Variants in SLC2A9 observed in about 807,000 individuals in gnomAD.
SLC2A9 encodes solute carrier family 2 member 9, also known as solute carrier family 2, facilitated glucose transporter member 9.
A neutral mutation model predicts 50.6 loss-of-function variants in SLC2A9; 39 were observed. That is an observed-to-expected ratio of 0.77 (90% CI 0.60 to 1.01). SLC2A9 has a LOEUF of 1.01. SLC2A9 is among the 50% of genes least tolerant of loss of function. SLC2A9 has a pLI of 0.00. For synonymous variants in SLC2A9, 324 were observed against 276.9 expected, an observed-to-expected ratio of 1.17 and a Z score of -1.69; for missense variants, 686 against 677.6, an observed-to-expected ratio of 1.01 and a Z score of -0.14.
intron 6 of SLC2A9, among the ~76,000 whole-genome samples, chr4:9,939,979 G>A (rs951069758): frequency 5.3e-5 from 8 of 152,140 alleles, no homozygotes; most frequent in African/African-American, 1.2e-4. Flanking sequence ...TATTTATCAC[G>A]TTTTGTAACT....
chr4:9,948,369 G>T (rs564310354), intron 5 of SLC2A9, among the ~76,000 whole-genome samples: 33 of 152,200 alleles, frequency 2.2e-4, no homozygotes, highest in Non-Finnish European at 3.2e-4. Flanking sequence ...TGCTGGGGTT[G>T]TTCAAGCTCT....
intron 5 of SLC2A9, among the ~76,000 whole-genome samples, chr4:9,960,773 A>T (rs1027445634): frequency 6.6e-6 from 1 of 152,126 alleles, no homozygotes; most frequent in East Asian, 1.9e-4. Context: ...AGGCCCAGGG[A>T]GTGGCATGAG....
At chr4:9,998,859 C>T (rs1759252199) in intron 2 of SLC2A9, among the ~76,000 whole-genome samples, 2 of 152,108 alleles carry the variant, frequency 1.3e-5, no homozygotes, top group South Asian at 4.1e-4. Flanking sequence ...CATGGGAAAA[C>T]CTGGCAAAAA....
intron 1 of SLC2A9, among the ~76,000 whole-genome samples, chr4:10,037,246 C>A (rs1410928922): frequency 1.6e-4 from 24 of 152,156 alleles, no homozygotes; most frequent in Non-Finnish European, 1.5e-5. Flanking sequence ...GACCTCAGCC[C>A]CTGGCCACCA....
intron 3 of SLC2A9, chr4:9,782,577 A>G: frequency 6.2e-7 from 1 of 1,613,936 alleles, no homozygotes; most frequent in Non-Finnish European, 8.5e-7. Context: ...TGGCACAGGG[A>G]CCAGGCGGCC....
chr4:9,967,695 G>A (rs1753247911), intron 5 of SLC2A9, among the ~76,000 whole-genome samples: 1 of 151,516 alleles, frequency 6.6e-6, no homozygotes, highest in South Asian at 2.1e-4. Context: ...GAAAGTTATG[G>A]GAATAAAGAT....
At chr4:9,859,525 T>C (rs1035514720) in intron 10 of SLC2A9, among the ~76,000 whole-genome samples, 1 of 152,230 alleles carries the variant, frequency 6.6e-6, no homozygotes, top group Non-Finnish European at 1.5e-5. Flanking sequence ...TTTTCTCCTA[T>C]ACCAGCCATG....
upstream of SLC2A9, among the ~76,000 whole-genome samples, chr4:10,023,167 C>G (rs1178005669): frequency 1.3e-5 from 2 of 152,192 alleles, no homozygotes; most frequent in Non-Finnish European, 2.9e-5. Flanking sequence ...TCTGAGCGGA[C>G]AGAGAAGGAT....
chr4:9,880,607 TATG>T (rs1448834108), intron 10 of SLC2A9: 7 of 978,368 alleles, frequency 7.2e-6, no homozygotes, highest in African/African-American at 5.3e-5. Context: ...TTCAGGCAGA[TATG>T]CAGATGAGTC....
At chr4:9,998,099 G>A (rs902301479) in intron 2 of SLC2A9, among the ~76,000 whole-genome samples, 1 of 152,192 alleles carries the variant, frequency 6.6e-6, no homozygotes, top group Non-Finnish European at 1.5e-5. Flanking sequence ...ACATTCACTA[G>A]AGTCTCATCG....
chr4:9,837,362 GTGTT>G (rs1727271796), intron 10 of SLC2A9, among the ~76,000 whole-genome samples: 1 of 152,216 alleles, frequency 6.6e-6, no homozygotes. Context: ...TTGTCAGAAA[GTGTT>G]TGTGTCACAC....
chr4:9,799,465 G>A (rs1248978644), intron 3 of SLC2A9, among the ~76,000 whole-genome samples: 3 of 151,824 alleles, frequency 2.0e-5, no homozygotes, highest in Non-Finnish European at 2.9e-5. Flanking sequence ...TCTTTTATAA[G>A]GTCATTAATC....
chr4:9,937,363 C>G (rs1362322167), intron 6 of SLC2A9, among the ~76,000 whole-genome samples: 3 of 152,166 alleles, frequency 2.0e-5, no homozygotes, highest in African/African-American at 7.2e-5. Context: ...TCTGTTTCTT[C>G]ACTCAGCACC....
chr4:10,037,361 C>T (rs1207085096), intron 1 of SLC2A9, among the ~76,000 whole-genome samples: 1 of 152,170 alleles, frequency 6.6e-6, no homozygotes. Context: ...TCTGGCTTCT[C>T]TCACTTAGTG....
chr4:9,950,744 T>TCCAGCAATC, intron 5 of SLC2A9, among the ~76,000 whole-genome samples: 1 of 30,776 alleles, frequency 3.2e-5, no homozygotes, highest in African/African-American at 4.3e-4. Context: ...ATACAAAAAA[T>TCCAGCAATC]TAGCCGGGCG....
intron 10 of SLC2A9, among the ~76,000 whole-genome samples, chr4:9,844,446 A>G (rs1728623941): frequency 6.6e-6 from 1 of 152,260 alleles, no homozygotes; most frequent in South Asian, 2.1e-4. Context: ...CTACTTCATT[A>G]GTAATGCCAT....
intron 3 of SLC2A9, among the ~76,000 whole-genome samples, chr4:9,809,575 G>A (rs547547351): frequency 2.2e-4 from 34 of 152,226 alleles, no homozygotes; most frequent in Admixed American, 2.1e-3. Flanking sequence ...CATTCCAGAC[G>A]ACCCTTCAGC....
intron 3 of SLC2A9, among the ~76,000 whole-genome samples, chr4:9,791,950 G>A (rs1719967924): frequency 6.6e-6 from 1 of 152,172 alleles, no homozygotes; most frequent in African/African-American, 2.4e-5. Context: ...AGAAAAGGGA[G>A]AGAACATTTA....
In SLC2A9 at chr4:9,954,803, A is replaced by C. The variant is rs537438920; in HGVS notation, c.682-12758T>G. Among the ~76,000 whole-genome samples the C allele has an allele frequency of 9.8e-5, 15 of 152,310 alleles. No homozygotes were observed. In the South Asian group the frequency reaches 3.1e-3, roughly 32 times the overall value. On this transcript the variant is annotated intron_variant, in intron 5 of 11. Transcript: ENST00000264784. Reference sequence around the variant, plus strand: ...TCCCCACCAGGAATGTCAGGTGGCCATCAGGTGATGGTCAGGCAGTTGTTA... The same window carrying C: ...TCCCCACCAGGAATGTCAGGTGGCCCTCAGGTGATGGTCAGGCAGTTGTTA...
Sources: gnomAD v4.1 joint callset for allele counts (sites outside exome capture counted in the v4.1 genomes callset) on GRCh38, gnomAD v4.1.1 for gene constraint, MANE v1.5 for transcripts, NCBI Gene and HGNC (gene_info 2026-07-23, HGNC 2026-07-21) for gene names.